LIMCH1: variants seen among roughly 807,000 people sequenced by gnomAD.
LIMCH1 encodes LIM and calponin homology domains-containing protein 1.
Under a neutral mutation model 176.5 loss-of-function variants are expected in LIMCH1, and 113 were observed. The ratio of observed to expected loss-of-function variants is 0.64; its 90% CI spans 0.55 to 0.75. The LOEUF (loss-of-function observed/expected upper bound fraction) is 0.75, where lower values mean the gene tolerates loss of function less well. LIMCH1 is among the 30% of genes least tolerant of loss of function. The pLI is 0.00. For synonymous variants in LIMCH1, 619 were observed against 645.9 expected (o/e 0.96, Z 0.63); for missense variants, 1,674 against 1,814.9 (o/e 0.92, Z 1.41).
At chr4:41,629,425 CTT>C in intron 8 of LIMCH1, 65 bp from the exon 9 acceptor site, 1 of 1,508,420 alleles carries the variant, frequency 6.6e-7, no homozygotes, top group Admixed American at 2.0e-5. Context: ...TTGACATTCT[CTT>C]TGTCTGCTCC....
chr4:41,499,382 G>A (rs553992101), intron 2 of LIMCH1, among the ~76,000 whole-genome samples: 1 of 152,242 alleles, frequency 6.6e-6, no homozygotes, highest in African/African-American at 2.4e-5. Flanking sequence ...CCTAAATGTT[G>A]CAGGGTGGAT....
In LIMCH1 at chr4:41,598,954, A is replaced by G; in HGVS notation, c.-206A>G. 6.2e-7 allele frequency: 1 copy of G among 1,611,672 alleles called. No individual in the cohort carries two copies. Among genetic ancestry groups the G allele is most frequent in the Non-Finnish European group, 8.5e-7 (1 of 1,178,012 alleles). ...ATCTTATTCTTGAGAGGTTGTAAAGAGCTCGGCCTTAAAGAATCTCAACTT... is the reference window on the plus strand; with the variant it reads ...ATCTTATTCTTGAGAGGTTGTAAAGGGCTCGGCCTTAAAGAATCTCAACTT... On this transcript the variant is annotated 5_prime_UTR_variant, in exon 2 of 32. Transcript: ENST00000503057.
rs1455936575 is a variant in LIMCH1 at position 41,671,573 on chromosome 4, G to C, written c.3417G>C (p.Glu1139Asp). ...GTGCAGTGGATTCTCCAAGCAGTGA[G>C]AAGTCACCTGTTATGACACCTGTAA... ...LNSQVDSPSSEKSPVMTPFKF... is the reference protein window; with the variant it reads ...LNSQVDSPSSDKSPVMTPFKF... The change falls in exon 22 of 32, where the codon GAG becomes GAC. Residue 1139 changes from glutamate to aspartate, a missense_variant. Coordinates refer to ENST00000503057, the MANE Select transcript of LIMCH1 (RefSeq NM_001330672.2). The C allele has an allele frequency of 6.9e-6, 11 of 1,605,234 alleles. No individual in the cohort carries two copies. Among genetic ancestry groups the C allele is most frequent in the Non-Finnish European group, 8.5e-6 (10 of 1,172,560 alleles).
intron 1 of LIMCH1, among the ~76,000 whole-genome samples, chr4:41,557,054 A>C (rs1216883888): frequency 1.3e-5 from 2 of 152,166 alleles, no homozygotes; most frequent in East Asian, 3.9e-4. Context: ...CCAGGAATCT[A>C]TCTCTATTTC....
intron 1 of LIMCH1, among the ~76,000 whole-genome samples, chr4:41,447,919 T>TA (rs1287319116): frequency 2.0e-5 from 3 of 152,150 alleles, no homozygotes; most frequent in African/African-American, 7.2e-5. Context: ...GCCTGCCTAG[T>TA]AGCTGGGATT....
intron 1 of LIMCH1, among the ~76,000 whole-genome samples, chr4:41,464,242 C>G (rs1489897464): frequency 6.6e-6 from 1 of 151,812 alleles, no homozygotes; most frequent in Non-Finnish European, 1.5e-5. Context: ...GCCCTGTACT[C>G]TTCCTCCACT....
intron 1 of LIMCH1, among the ~76,000 whole-genome samples, chr4:41,419,268 C>G (rs1000532139): frequency 7.2e-5 from 11 of 152,082 alleles, no homozygotes; most frequent in Admixed American, 5.9e-4. Flanking sequence ...ACCTTCGCCT[C>G]CCGGGTTCCA....
intron 4 of LIMCH1, chr4:41,609,763 C>T: frequency 7.5e-6 from 3 of 398,518 alleles, no homozygotes; most frequent in South Asian, 5.7e-5. Context: ...GACTGAGATT[C>T]TAGATGAAAA....
chr4:41,574,095 A>G (rs1304209599), intron 1 of LIMCH1, among the ~76,000 whole-genome samples: 1 of 152,138 alleles, frequency 6.6e-6, no homozygotes, highest in Non-Finnish European at 1.5e-5. Flanking sequence ...TTGTTGAACT[A>G]GGTTTATTCC....
chr4:41,530,082 T>C (rs762108566), intron 3 of LIMCH1, among the ~76,000 whole-genome samples: 1 of 152,238 alleles, frequency 6.6e-6, no homozygotes, highest in Non-Finnish European at 1.5e-5. Context: ...AGTTATCTGC[T>C]TTAGTTTATG....
chr4:41,693,904 AACAACCTGAACCCCCCTCTGGGTG>A (rs1432493863), intron 31 of LIMCH1, among the ~76,000 whole-genome samples: 3 of 152,128 alleles, frequency 2.0e-5, no homozygotes, highest in Non-Finnish European at 4.4e-5. Context: ...ATGCCAACAG[AACAACCTGAACCCCCCTCTGGGTG>A]ACAGTGACCT....
At chr4:41,547,368 G>T (rs543814527) in intron 1 of LIMCH1, among the ~76,000 whole-genome samples, 8 of 151,888 alleles carry the variant, frequency 5.3e-5, no homozygotes, top group Non-Finnish European at 8.8e-5. Flanking sequence ...ACCTCTATGA[G>T]TTTGGCTTTT....
chr4:41,413,221 T>A (rs1197918950), intron 1 of LIMCH1, among the ~76,000 whole-genome samples: 18 of 149,164 alleles, frequency 1.2e-4, no homozygotes, highest in Non-Finnish European at 2.4e-4. Flanking sequence ...ATAATAAGTT[T>A]TTTTTTTTTT....
At chr4:41,431,326 C>T (rs2061591082) in intron 1 of LIMCH1, among the ~76,000 whole-genome samples, 1 of 152,224 alleles carries the variant, frequency 6.6e-6, no homozygotes, top group African/African-American at 2.4e-5. Context: ...CCAGCCCCTT[C>T]TTACCTGTAG....
At chr4:41,480,004 T>C (rs1311236629) in intron 1 of LIMCH1, among the ~76,000 whole-genome samples, 1 of 151,950 alleles carries the variant, frequency 6.6e-6, no homozygotes, top group Middle Eastern at 3.2e-3. Context: ...ATTTAGACAC[T>C]CCAGTTATGG....
Position 41,499,506 on chromosome 4 carries a change from C to T in LIMCH1, c.167+4900C>T, listed in dbSNP as rs180700698. ...TGTTGCTAGTATCCCCAGTAATATCCTTTATACTGATTTTTTAAAAATCTA... is the reference window on the plus strand; with the variant it reads ...TGTTGCTAGTATCCCCAGTAATATCTTTTATACTGATTTTTTAAAAATCTA... On this transcript the variant is annotated intron_variant, in intron 2 of 26. Coordinates refer to the LIMCH1 transcript ENST00000313860. Among the ~76,000 whole-genome samples the T allele has an allele frequency of 3.6e-4, 55 of 152,292 alleles. 1 individual carries two copies. The highest frequency in any genetic ancestry group is 3.5e-3 in the Admixed American group (53 of 15,294).
upstream of LIMCH1, among the ~76,000 whole-genome samples, chr4:41,534,495 G>T (rs1385937071): frequency 6.6e-6 from 1 of 152,212 alleles, no homozygotes; most frequent in Non-Finnish European, 1.5e-5. Context: ...ACATGGGAAT[G>T]AGAAATGAGC....
At chr4:41,430,691 A>C (rs1422312078) in intron 1 of LIMCH1, among the ~76,000 whole-genome samples, 1 of 152,260 alleles carries the variant, frequency 6.6e-6, no homozygotes, top group Admixed American at 6.5e-5. Context: ...ATGATGAAGA[A>C]AAATTGGCTT....
intron 1 of LIMCH1, among the ~76,000 whole-genome samples, chr4:41,451,787 G>A (rs145066997): frequency 1.6e-4 from 25 of 152,332 alleles, no homozygotes; most frequent in African/African-American, 5.5e-4. Context: ...CTTCGGGGTA[G>A]CACTGTATGT....
Sources: gnomAD v4.1 joint callset for allele counts (sites outside exome capture counted in the v4.1 genomes callset) on GRCh38, gnomAD v4.1.1 for gene constraint, MANE v1.5 for transcripts, NCBI Gene and HGNC (gene_info 2026-07-23, HGNC 2026-07-21) for gene names.